The following DCC variants were observed in gnomAD, a reference collection of about 807,000 sequenced individuals.
The protein encoded by DCC is netrin receptor DCC.
Under a neutral mutation model 172.5 loss-of-function variants are expected in DCC, and 58 were observed. The observed-to-expected ratio is 0.34, with a 90% confidence interval of 0.27 to 0.42. The LOEUF (loss-of-function observed/expected upper bound fraction) is 0.42, where lower values mean the gene tolerates loss of function less well. DCC is among the 10% of genes least tolerant of loss of function. DCC has a pLI of 1.00. For synonymous variants in DCC, 709 were observed against 644.5 expected, an observed-to-expected ratio of 1.10 and a Z score of -1.52; for missense variants, 1,740 against 1,791.0, an observed-to-expected ratio of 0.97 and a Z score of 0.51.
chr18:53,523,210 C>T (rs563789072), intron 27 of DCC, among the ~76,000 whole-genome samples: 9 of 152,106 alleles, frequency 5.9e-5, no homozygotes, highest in Admixed American at 1.3e-4. Flanking sequence ...AAAATCACCA[C>T]GAGATACCAT....
intron 1 of DCC, among the ~76,000 whole-genome samples, chr18:52,479,088 G>A (rs1989178238): frequency 6.9e-6 from 1 of 144,456 alleles, no homozygotes; most frequent in Admixed American, 7.0e-5. Flanking sequence ...TAGAATGGTG[G>A]GAATAATAGT....
At chr18:53,433,965 A>ATTTTTTTTTTTTTTTTTTTTTTTTT (rs1327722031) in intron 21 of DCC, among the ~76,000 whole-genome samples, 12 of 152,176 alleles carry the variant, frequency 7.9e-5, no homozygotes, top group African/African-American at 2.9e-4. Context: ...TATCAAAAGA[A>ATTTTTTTTTTTTTTTTTTTTTTTTT]TTTTTTAAAT....
At chr18:53,157,140 AT>A (rs1285287267) in intron 7 of DCC, among the ~76,000 whole-genome samples, 1 of 152,168 alleles carries the variant, frequency 6.6e-6, no homozygotes, top group Non-Finnish European at 1.5e-5. Flanking sequence ...AAGCAGTGGA[AT>A]TGTATACATG....
At chr18:53,311,128 TTA>T (rs142805307) in intron 13 of DCC, among the ~76,000 whole-genome samples, 56,593 of 145,078 alleles carry the variant, frequency 0.39, 11,508 homozygotes, top group East Asian at 0.6. Flanking sequence ...TTTTATTTAT[TTA>T]TTTTTTTTGA....
chr18:53,320,971 G>A (rs530038610), intron 13 of DCC, among the ~76,000 whole-genome samples: 13 of 152,190 alleles, frequency 8.5e-5, no homozygotes, highest in South Asian at 6.2e-4. Flanking sequence ...TAATAGTACC[G>A]TCTATTGAAG....
At chr18:52,889,097 A>C (rs1392257285) in intron 2 of DCC, among the ~76,000 whole-genome samples, 1 of 152,120 alleles carries the variant, frequency 6.6e-6, no homozygotes, top group South Asian at 2.1e-4. Context: ...TGTGTTTTCA[A>C]TCATCAATTA....
chr18:52,848,869 G>A (rs2038934538), intron 2 of DCC, among the ~76,000 whole-genome samples: 3 of 152,156 alleles, frequency 2.0e-5, no homozygotes, highest in Admixed American at 1.3e-4. Flanking sequence ...GCAACTTAGT[G>A]TAATCTCAGC....
At chr18:52,522,397 C>T (rs953851944) in intron 1 of DCC, among the ~76,000 whole-genome samples, 15 of 152,086 alleles carry the variant, frequency 9.9e-5, no homozygotes, top group Non-Finnish European at 2.1e-4. Context: ...TTAGTGCTGT[C>T]CAAGGACTAC....
intron 20 of DCC, 33 bp downstream of exon 20, chr18:53,410,679 C>T (rs1476666145): frequency 5.3e-6 from 7 of 1,330,190 alleles, no homozygotes; most frequent in Non-Finnish European, 7.6e-6. Flanking sequence ...CTTTTCTTTT[C>T]CTGTGGGATT....
intron 12 of DCC, among the ~76,000 whole-genome samples, chr18:53,278,484 G>T (rs189499161): frequency 2.0e-5 from 3 of 152,164 alleles, no homozygotes; most frequent in East Asian, 3.9e-4. Flanking sequence ...GTTGACACAG[G>T]ATTACTATTG....
intron 1 of DCC, among the ~76,000 whole-genome samples, chr18:52,642,054 G>A (rs1246713810): frequency 3.9e-3 from 20 of 5,110 alleles, no homozygotes; most frequent in Admixed American, 0.011. Context: ...ATACTGTGGT[G>A]TGTGTGTGTA....
At chr18:52,763,902 G>T (rs1042355837) in intron 2 of DCC, among the ~76,000 whole-genome samples, 7 of 152,084 alleles carry the variant, frequency 4.6e-5, no homozygotes, top group Non-Finnish European at 1.0e-4. Flanking sequence ...CAGTTTCATG[G>T]TTTTTAATTC....
chr18:53,402,329 G>T (rs906705712), intron 18 of DCC, among the ~76,000 whole-genome samples: 1 of 151,492 alleles, frequency 6.6e-6, no homozygotes, highest in African/African-American at 2.4e-5. Context: ...GGTTGAGTCT[G>T]AAGTGAGCTA....
intron 1 of DCC, among the ~76,000 whole-genome samples, chr18:52,404,077 C>G (rs1343972692): frequency 1.3e-5 from 2 of 151,970 alleles, no homozygotes; most frequent in Non-Finnish European, 2.9e-5. Flanking sequence ...AAGGTTCTGC[C>G]TGACTTTGAG....
At chr18:52,747,923 C>T (rs947810900) in intron 1 of DCC, among the ~76,000 whole-genome samples, 1 of 152,214 alleles carries the variant, frequency 6.6e-6, no homozygotes, top group Non-Finnish European at 1.5e-5. Context: ...AGTGCCGCTT[C>T]GCCAGCCGGA....
chr18:52,553,239 CAT>C (rs1568226367), intron 1 of DCC, among the ~76,000 whole-genome samples: 2 of 151,982 alleles, frequency 1.3e-5, no homozygotes, highest in Non-Finnish European at 2.9e-5. Flanking sequence ...CACACACACA[CAT>C]ATATGCTTTA....
intron 3 of DCC, among the ~76,000 whole-genome samples, chr18:52,909,549 A>G (rs2039938245): frequency 6.6e-6 from 1 of 152,160 alleles, no homozygotes; most frequent in Non-Finnish European, 1.5e-5. Flanking sequence ...AATGTAATAT[A>G]CTTATTCAAG....
chr18:53,086,354 TTTCTTCTTC>T (rs1205153061), intron 7 of DCC, among the ~76,000 whole-genome samples: 2 of 33,900 alleles, frequency 5.9e-5, no homozygotes, highest in Non-Finnish European at 1.0e-4. Flanking sequence ...TTCTTCTTCC[TTTCTTCTTC>T]TTCTTCTTCT....
chr18:53,017,961 C>A (rs2041831440), intron 5 of DCC, among the ~76,000 whole-genome samples: 2 of 152,150 alleles, frequency 1.3e-5, no homozygotes, highest in Admixed American at 6.5e-5. Context: ...TGGGTTGCAA[C>A]AGCATTTATC....
Sources: allele counts gnomAD v4.1 joint callset (sites outside exome capture counted in the v4.1 genomes callset), GRCh38; gene constraint gnomAD v4.1.1; transcripts MANE v1.5; gene names NCBI Gene and HGNC (gene_info 2026-07-23, HGNC 2026-07-21).